EFCAB6: variants seen among roughly 807,000 people sequenced by gnomAD.
The protein encoded by EFCAB6 is EF-hand calcium binding domain 6.
A neutral mutation model predicts 169.8 loss-of-function variants in EFCAB6; 156 were observed. That is an observed-to-expected ratio of 0.92 (90% CI 0.81 to 1.05). EFCAB6 has a LOEUF of 1.05. EFCAB6 is among the 50% of genes least tolerant of loss of function. EFCAB6 has a pLI of 0.00. For missense variants in EFCAB6, 1,800 were observed against 1,829.1 expected (o/e 0.98, Z 0.29); for synonymous variants, 698 against 676.4 (o/e 1.03, Z -0.50).
intron 26 of EFCAB6, among the ~76,000 whole-genome samples, chr22:43,566,316 C>T (rs1043640649): frequency 6.6e-6 from 1 of 152,250 alleles, no homozygotes; most frequent in Non-Finnish European, 1.5e-5. Flanking sequence ...TCTTACCACA[C>T]AAGGATTCCT....
chr22:43,604,456 C>T (rs185612606), intron 22 of EFCAB6, among the ~76,000 whole-genome samples: 1 of 152,322 alleles, frequency 6.6e-6, no homozygotes, highest in African/African-American at 2.4e-5. Flanking sequence ...CTGGCTAGCA[C>T]ATCTCCAAGT....
At chr22:43,784,552 TATATACAC>T (rs2061959126) in intron 2 of EFCAB6, among the ~76,000 whole-genome samples, 2 of 100,134 alleles carry the variant, frequency 2.0e-5, no homozygotes, top group Non-Finnish European at 3.9e-5. Context: ...TGTATATGTA[TATATACAC>T]ATATATATGT....
At chr22:43,740,037 C>G (rs543919317) in intron 6 of EFCAB6, among the ~76,000 whole-genome samples, 1 of 152,156 alleles carries the variant, frequency 6.6e-6, no homozygotes, top group Non-Finnish European at 1.5e-5. Context: ...CTGGCCACAC[C>G]AGACCCCACT....
chr22:43,626,421 G>C, intron 20 of EFCAB6, 26 bp downstream of exon 20: 1 of 1,606,786 alleles, frequency 6.2e-7, no homozygotes, highest in Non-Finnish European at 8.5e-7. Context: ...ATATATTAAA[G>C]ACACAGACCC....
chr22:43,536,990 G>C (rs943175730), intron 29 of EFCAB6: 5 of 167,120 alleles, frequency 3.0e-5, no homozygotes, highest in Admixed American at 2.5e-4. Context: ...CAACATCAAA[G>C]AGTGAATGTT....
chr22:43,772,800 TG>T (rs896929176), intron 4 of EFCAB6, 91 bp downstream of exon 4: 1 of 1,403,778 alleles, frequency 7.1e-7, no homozygotes, highest in Non-Finnish European at 9.8e-7. Context: ...GTGGCAACAG[TG>T]GGGACAAAGA....
chr22:43,723,856 G>A (rs954057312), intron 8 of EFCAB6, among the ~76,000 whole-genome samples: 7 of 152,220 alleles, frequency 4.6e-5, no homozygotes, highest in Non-Finnish European at 8.8e-5. Flanking sequence ...GGCAGAGTCC[G>A]GAGATGGCCC....
chr22:43,752,683 T>C (rs1262916015), intron 6 of EFCAB6, among the ~76,000 whole-genome samples: 4 of 152,120 alleles, frequency 2.6e-5, no homozygotes, highest in South Asian at 4.1e-4. Context: ...TGAAAAAAAT[T>C]TGACATCAAA....
At chr22:43,592,393 C>G (rs1427600104) in intron 23 of EFCAB6, among the ~76,000 whole-genome samples, 1 of 152,176 alleles carries the variant, frequency 6.6e-6, no homozygotes, top group Non-Finnish European at 1.5e-5. Context: ...CTCGTCATCA[C>G]AACTATTATA....
intron 27 of EFCAB6, chr22:43,552,239 T>C (rs1488787924): frequency 6.6e-6 from 1 of 152,236 alleles, no homozygotes; most frequent in Non-Finnish European, 1.5e-5. Flanking sequence ...GTCTTTGCTA[T>C]TGTGAAAAGC....
At chr22:43,766,793 C>T (rs1484085945) in intron 4 of EFCAB6, among the ~76,000 whole-genome samples, 1 of 152,146 alleles carries the variant, frequency 6.6e-6, no homozygotes, top group African/African-American at 2.4e-5. Flanking sequence ...GAATTATAGG[C>T]GTGAGCCAAT....
chr22:43,694,271 A>G (rs1457484235), intron 10 of EFCAB6, among the ~76,000 whole-genome samples: 1 of 152,122 alleles, frequency 6.6e-6, no homozygotes, highest in African/African-American at 2.4e-5. Context: ...CCAAGAAGAA[A>G]GAGAAAACTC....
At chr22:43,533,784 C>G (rs1391008729) in intron 30 of EFCAB6, among the ~76,000 whole-genome samples, 1 of 152,142 alleles carries the variant, frequency 6.6e-6, no homozygotes, top group Non-Finnish European at 1.5e-5. Context: ...CACGTTATCA[C>G]ATGCGTATAG....
intron 17 of EFCAB6, among the ~76,000 whole-genome samples, chr22:43,644,054 C>A (rs915886587): frequency 6.6e-5 from 10 of 152,008 alleles, no homozygotes; most frequent in African/African-American, 2.2e-4. Flanking sequence ...CAACTCCTGA[C>A]CTCAGGTGAT....
Position 43,784,674 on chromosome 22 carries a change from T to TAC in EFCAB6, c.-7-2350_-7-2349insGT, listed in dbSNP as rs1468073918. Among the ~76,000 whole-genome samples the TAC allele has an allele frequency of 1.1e-3, 54 of 49,652 alleles. 3 individuals carry two copies. The highest frequency in any genetic ancestry group is 3.1e-3 in the African/African-American group (38 of 12,192). 32.6% of individuals were successfully genotyped at this position (49,652 alleles called of 152,430 possible). A position where few individuals can be genotyped will look rare whatever the true frequency, so the allele number is the denominator to read the frequency against. Reference sequence around the variant, plus strand: ...ATATGTGTATATATACATATACATATATACACACACACACACACACACACA... The same window carrying TAC: ...ATATGTGTATATATACATATACATATACATACACACACACACACACACACACA... On this transcript the variant is annotated intron_variant, in intron 2 of 31. Coordinates refer to ENST00000262726, the MANE Select transcript of EFCAB6 (RefSeq NM_022785.4).
intron 7 of EFCAB6, 150 bp downstream of exon 7, chr22:43,735,707 G>A: frequency 1.1e-6 from 1 of 938,392 alleles, no homozygotes; most frequent in Non-Finnish European, 1.6e-6. Context: ...ATGAGAGAAT[G>A]TCCAGTGAGT....
At position 43,705,240 on chromosome 22, in the gene EFCAB6, G is replaced by T. The variant is rs189381940; in HGVS notation, c.1031+6235C>A. Among the ~76,000 whole-genome samples the T allele has an allele frequency of 1.2e-4, 19 of 152,118 alleles. No homozygotes were observed. The East Asian group carries it at 3.7e-3, about 29-fold the overall frequency. ...CTAAATATATAAAGCAAATATTAAA[G>T]GATCTGAAGGGAAGGTCAGATTGCA... is the stretch of plus-strand genomic sequence containing the variant. On this transcript the variant is annotated intron_variant, in intron 10 of 31. Transcript: ENST00000262726.
chr22:43,600,535 C>T (rs1452930818), intron 22 of EFCAB6, among the ~76,000 whole-genome samples: 1 of 152,178 alleles, frequency 6.6e-6, no homozygotes. Flanking sequence ...ATGGTCACGC[C>T]ACACATGGCC....
chr22:43,648,939 C>T (rs548493830), intron 17 of EFCAB6, among the ~76,000 whole-genome samples: 4 of 152,132 alleles, frequency 2.6e-5, no homozygotes, highest in Admixed American at 1.3e-4. Flanking sequence ...TCCCCATCCC[C>T]GCCAAGCTTA....
Sources: gnomAD v4.1 joint callset for allele counts (sites outside exome capture counted in the v4.1 genomes callset) on GRCh38, gnomAD v4.1.1 for gene constraint, MANE v1.5 for transcripts, NCBI Gene and HGNC (gene_info 2026-07-23, HGNC 2026-07-21) for gene names.